The following SCNN1B variants were observed in gnomAD, a reference collection of about 807,000 sequenced individuals.
The protein encoded by SCNN1B is epithelial sodium channel subunit beta.
A neutral mutation model predicts 65.3 loss-of-function variants in SCNN1B; 46 were observed. The ratio of observed to expected loss-of-function variants is 0.70; its 90% confidence interval spans 0.56 to 0.90. The LOEUF is 0.90. Ranked by LOEUF, SCNN1B falls within the 40% of genes least tolerant of loss-of-function variation. The pLI is 0.00. For synonymous variants in SCNN1B, 349 were observed against 330.6 expected (o/e 1.06, Z -0.60); for missense variants, 751 against 830.5 (o/e 0.90, Z 1.18).
chr16:23,368,488 G>A (rs966213411), intron 5 of SCNN1B, among the ~76,000 whole-genome samples: 4 of 152,174 alleles, frequency 2.6e-5, no homozygotes, highest in African/African-American at 9.7e-5. Flanking sequence ...GCAGCAGTGA[G>A]CCATGATCAC....
intron 1 of SCNN1B, among the ~76,000 whole-genome samples, chr16:23,320,097 G>A (rs1391770722): frequency 1.3e-5 from 2 of 152,134 alleles, no homozygotes; most frequent in Non-Finnish European, 2.9e-5. Context: ...TTGTTAAAAT[G>A]CAGATTCTGA....
At chr16:23,375,615 C>T (rs1962876511) in intron 7 of SCNN1B, 123 bp from the exon 8 acceptor site, 3 of 787,476 alleles carry the variant, frequency 3.8e-6, no homozygotes, top group Non-Finnish European at 7.0e-6. Context: ...CCTGGAGCAC[C>T]TCCACCAGCT....
chr16:23,308,987 T>G (rs943199310), intron 1 of SCNN1B, among the ~76,000 whole-genome samples: 1 of 152,188 alleles, frequency 6.6e-6, no homozygotes, highest in Non-Finnish European at 1.5e-5. Context: ...AAACTTCAAA[T>G]GAGATCTCCT....
At chr16:23,360,410 G>A (rs142911814) in intron 4 of SCNN1B, among the ~76,000 whole-genome samples, 203 of 151,864 alleles carry the variant, frequency 1.3e-3, no homozygotes, top group African/African-American at 4.6e-3. Flanking sequence ...TTAGCCCGGC[G>A]TGGTGGTACA....
chr16:23,343,112 A>T (rs997125595), intron 1 of SCNN1B, among the ~76,000 whole-genome samples: 4 of 152,124 alleles, frequency 2.6e-5, no homozygotes, highest in Non-Finnish European at 5.9e-5. Context: ...ACCTAATAAA[A>T]CTATAAAACA....
In SCNN1B at chr16:23,352,937, C is replaced by A; in HGVS notation, c.448C>A (p.Leu150Met). The A allele has an allele frequency of 6.2e-7, 1 of 1,614,226 alleles. No homozygotes were observed. Among genetic ancestry groups the A allele is most frequent in the Non-Finnish European group, 8.5e-7 (1 of 1,180,042 alleles). Residue 150 changes from leucine (L) to methionine (M), a missense_variant, in exon 3 of 13, where the codon CTG becomes ATG. Transcript: ENST00000343070. ...LNFSIWNHTP[L>M]VLIDERNPHH... ...CTTCTCCATCTGGAACCACACACCCCTGGTCCTTATTGATGAACGGAACCC... is the reference window on the plus strand; with the variant it reads ...CTTCTCCATCTGGAACCACACACCCATGGTCCTTATTGATGAACGGAACCC...
At chr16:23,295,808 G>A (rs1312111235) in intron 2 of SCNN1B, among the ~76,000 whole-genome samples, 4 of 152,148 alleles carry the variant, frequency 2.6e-5, no homozygotes, top group Non-Finnish European at 2.9e-5. Context: ...TCAACTGAAC[G>A]TTCTCAGGGT....
At chr16:23,306,048 G>C (rs1961211912) in intron 1 of SCNN1B, among the ~76,000 whole-genome samples, 2 of 152,132 alleles carry the variant, frequency 1.3e-5, no homozygotes, top group South Asian at 4.1e-4. Context: ...TTCGAGACCA[G>C]CCTGGCCAAC....
At chr16:23,362,099 C>T (rs746459391) in intron 4 of SCNN1B, among the ~76,000 whole-genome samples, 1 of 152,080 alleles carries the variant, frequency 6.6e-6, no homozygotes, top group Non-Finnish European at 1.5e-5. Context: ...AATCCCAGCA[C>T]TTTGGGAGGC....
At chr16:23,356,809 C>T (rs990218332) in intron 4 of SCNN1B, among the ~76,000 whole-genome samples, 2 of 152,148 alleles carry the variant, frequency 1.3e-5, no homozygotes, top group African/African-American at 4.8e-5. Context: ...CAGCTCCTGG[C>T]AAACCAACCC....
intron 7 of SCNN1B, chr16:23,372,151 CA>C: frequency 1.9e-6 from 1 of 536,484 alleles, no homozygotes; most frequent in South Asian, 2.0e-5. Context: ...TGGGGTTTCC[CA>C]AGATGAAAAC....
intron 1 of SCNN1B, among the ~76,000 whole-genome samples, chr16:23,312,589 G>A (rs1961368485): frequency 6.6e-6 from 1 of 152,078 alleles, no homozygotes; most frequent in South Asian, 2.1e-4. Context: ...ATGAGGGTAG[G>A]GCCATGATGG....
intron 7 of SCNN1B, chr16:23,372,235 A>G (rs1391245749): frequency 2.7e-5 from 10 of 367,474 alleles, no homozygotes; most frequent in Non-Finnish European, 5.2e-5. Flanking sequence ...AACACATTCC[A>G]TCGTCATTTA....
intron 1 of SCNN1B, among the ~76,000 whole-genome samples, chr16:23,307,917 T>C (rs1961256478): frequency 1.3e-5 from 2 of 151,994 alleles, no homozygotes; most frequent in Non-Finnish European, 2.9e-5. Flanking sequence ...TAGTGGCACA[T>C]GCCCGTAGTC....
At chr16:23,361,242 T>A (rs893360821) in intron 4 of SCNN1B, among the ~76,000 whole-genome samples, 2 of 152,190 alleles carry the variant, frequency 1.3e-5, no homozygotes, top group East Asian at 3.9e-4. Context: ...AGAGACTTTT[T>A]ATCGAGGAAT....
At chr16:23,329,492 C>T (rs1961766982) in intron 1 of SCNN1B, among the ~76,000 whole-genome samples, 1 of 152,232 alleles carries the variant, frequency 6.6e-6, no homozygotes, top group South Asian at 2.1e-4. Context: ...AAGTGAACCA[C>T]AGCTAATAAG....
At chr16:23,287,668 G>A (rs1033660465) in intron 2 of SCNN1B, among the ~76,000 whole-genome samples, 1 of 152,058 alleles carries the variant, frequency 6.6e-6, no homozygotes, top group African/African-American at 2.4e-5. Context: ...ACCTGAGCCC[G>A]GGGAGGTTGA....
chr16:23,371,231 T>A, intron 5 of SCNN1B, 68 bp from the exon 6 acceptor site: 1 of 1,569,984 alleles, frequency 6.4e-7, no homozygotes, highest in Non-Finnish European at 8.7e-7. Context: ...CTTGGAGAAG[T>A]GGGTAGTGGG....
chr16:23,316,128 CTAT>C (rs1961453519), intron 1 of SCNN1B, among the ~76,000 whole-genome samples: 1 of 149,242 alleles, frequency 6.7e-6, no homozygotes, highest in African/African-American at 2.5e-5. Flanking sequence ...ACCACCATCA[CTAT>C]CCTCACCACC....
Sources: allele counts gnomAD v4.1 joint callset (sites outside exome capture counted in the v4.1 genomes callset), GRCh38; gene constraint gnomAD v4.1.1; transcripts MANE v1.5; gene names NCBI Gene and HGNC (gene_info 2026-07-23, HGNC 2026-07-21).